CTSC: variants seen among roughly 807,000 people sequenced by gnomAD.
CTSC encodes the protein cathepsin C, also known as dipeptidyl peptidase 1.
CTSC carries 37 observed loss-of-function variants against 40.9 expected under a neutral mutation model. That is an observed-to-expected ratio of 0.91 (90% CI 0.70 to 1.19). CTSC has a LOEUF of 1.19. CTSC is among the 50% of genes most tolerant of loss of function. The pLI, the probability that CTSC is intolerant of heterozygous loss-of-function variation, is 0.00. For synonymous variants in CTSC, 232 were observed against 207.4 expected (o/e 1.12, Z -1.02); for missense variants, 594 against 567.3 (o/e 1.05, Z -0.48).
intron 2 of CTSC, chr11:88,320,888 G>T: frequency 1.2e-6 from 1 of 864,180 alleles, no homozygotes; most frequent in South Asian, 5.3e-5. Flanking sequence ...AATACATAGG[G>T]AATCAAATGG....
intron 4 of CTSC, among the ~76,000 whole-genome samples, chr11:88,307,533 G>C (rs1007857314): frequency 1.2e-4 from 18 of 144,164 alleles, no homozygotes; most frequent in South Asian, 9.4e-4. Flanking sequence ...CTCTGGTTGA[G>C]AGTAATAGAG....
chr11:88,294,789 G>A (rs1401722197), intron 6 of CTSC, among the ~76,000 whole-genome samples: 2 of 152,194 alleles, frequency 1.3e-5, no homozygotes, highest in African/African-American at 4.8e-5. Context: ...AGCCAAAGCC[G>A]TGTGAAGAGT....
Position 88,295,696 on chromosome 11 carries a change from T to A in CTSC, c.889+437A>T, listed in dbSNP as rs116130068. Among the ~76,000 whole-genome samples, 617 of 152,204 alleles carry A rather than the reference T, an allele frequency of 4.1e-3. 1 individual carries two copies. Among genetic ancestry groups the A allele is most frequent in the African/African-American group, 0.014 (597 of 41,520 alleles). On this transcript the variant is annotated intron_variant, in intron 6 of 6. Coordinates refer to ENST00000227266, the MANE Select transcript of CTSC (RefSeq NM_001814.6). Reference sequence around the variant, plus strand: ...GTGCCCAGCCCTAAGTACAGAATTTTAAAATTCTCCCAGAGAGAAACCAGT... The same window carrying A: ...GTGCCCAGCCCTAAGTACAGAATTTAAAAATTCTCCCAGAGAGAAACCAGT...
intron 6 of CTSC, 140 bp downstream of exon 6, chr11:88,295,993 A>C: frequency 1.1e-6 from 1 of 871,148 alleles, no homozygotes; most frequent in Middle Eastern, 3.0e-4. Flanking sequence ...TTAATAAGTG[A>C]TAGGGCCAGA....
chr11:88,300,437 C>G (rs1172381684), intron 5 of CTSC, 93 bp downstream of exon 5: 2 of 775,796 alleles, frequency 2.6e-6, no homozygotes, highest in Non-Finnish European at 2.3e-6. Flanking sequence ...CATGCCCATT[C>G]CATCTAGGTA....
chr11:88,333,114 T>G (rs1425890202), intron 2 of CTSC, among the ~76,000 whole-genome samples: 1 of 152,240 alleles, frequency 6.6e-6, no homozygotes, highest in Non-Finnish European at 1.5e-5. Context: ...CTATTTAAGC[T>G]AAGAACTAAC....
At chr11:88,312,979 C>T (rs1937796625) in intron 2 of CTSC, among the ~76,000 whole-genome samples, 1 of 152,174 alleles carries the variant, frequency 6.6e-6, no homozygotes, top group Non-Finnish European at 1.5e-5. Context: ...AGGCAACAGG[C>T]GAAGTGGCAG....
chr11:88,295,384 T>A (rs1270705917), intron 6 of CTSC, among the ~76,000 whole-genome samples: 1 of 146,966 alleles, frequency 6.8e-6, no homozygotes. Flanking sequence ...TAAGTACAGA[T>A]TTTTTTTTTT....
intron 1 of CTSC, among the ~76,000 whole-genome samples, chr11:88,336,539 C>CAA (rs35388709): frequency 9.2e-5 from 8 of 87,396 alleles, no homozygotes; most frequent in African/African-American, 2.1e-4. Context: ...ACTCCATTCT[C>CAA]AAAAAAAAAA....
chr11:88,337,428 G>A (rs1362965755), intron 1 of CTSC, 73 bp downstream of exon 1: 1 of 1,452,484 alleles, frequency 6.9e-7, no homozygotes, highest in East Asian at 2.5e-5. Context: ...GGAAGCGGTA[G>A]TTGGCGTGGC....
Position 88,335,234 on chromosome 11 carries a change from T to A in CTSC, c.173-152A>T, listed in dbSNP as rs568789705. ...CCTAGTGAAGAAACCAGAGGCTCCA[T>A]CTTGTTGCCTCAAACAGTTCCTGCT... On this transcript the variant is annotated intron_variant, in intron 1 of 6. Coordinates refer to ENST00000227266, the MANE Select transcript of CTSC (RefSeq NM_001814.6). The A allele has an allele frequency of 2.3e-5, 15 of 653,096 alleles. No homozygotes were observed. The Admixed American group carries it at 3.7e-4, about 16-fold the overall frequency. 40.5% of individuals were successfully genotyped at this position (653,096 alleles called of 1,614,324 possible).
chr11:88,304,670 T>A (rs1937614712), intron 4 of CTSC, among the ~76,000 whole-genome samples: 1 of 152,172 alleles, frequency 6.6e-6, no homozygotes, highest in South Asian at 2.1e-4. Context: ...ATTCAGGTCA[T>A]AAAGACCTTG....
In CTSC at chr11:88,296,162, T is replaced by A. The variant is rs1033729830; in HGVS notation, c.860A>T (p.Glu287Val). 5 of 1,613,850 alleles carry A rather than the reference T, an allele frequency of 3.1e-6. No homozygotes were observed. In the Admixed American group the frequency reaches 5.0e-5, roughly 16 times the overall value. Residue 287 changes from glutamate (E) to valine (V), a missense_variant, in exon 6 of 7, where the codon GAG (glutamate) becomes GTG (valine). Glu to Val is a moderately radical substitution (Grantham distance 121). Transcript: ENST00000227266. ...NSQTPILSPQ[E>V]VVSCSQYAQG... ...AGCATACTGGCTACAAGACACAACC[T>A]CCTGAGGGCTTAGGATTGGGGTCTG...
intron 4 of CTSC, among the ~76,000 whole-genome samples, chr11:88,306,727 C>T (rs903868597): frequency 7.2e-5 from 11 of 152,234 alleles, no homozygotes; most frequent in African/African-American, 2.4e-4. Context: ...CACGTGTGAT[C>T]CAATTCTTCT....
intron 2 of CTSC, chr11:88,320,730 A>C: frequency 1.3e-6 from 1 of 749,230 alleles, no homozygotes; most frequent in Non-Finnish European, 1.6e-6. Flanking sequence ...TCCAACATAT[A>C]TGGCCTGAGG....
At chr11:88,300,907 T>C (rs1182909647) in intron 4 of CTSC, among the ~76,000 whole-genome samples, 10 of 152,098 alleles carry the variant, frequency 6.6e-5, no homozygotes, top group Non-Finnish European at 2.9e-5. Context: ...TATATCACTG[T>C]GATGTTATTT....
At chr11:88,325,000 T>C in intron 2 of CTSC, 1 of 985,260 alleles carries the variant, frequency 1.0e-6, no homozygotes, top group South Asian at 4.7e-5. Context: ...GAAAAATTCT[T>C]CTATTCAAGC....
chr11:88,309,816 A>G lies in CTSC; in HGVS notation c.486-498T>C, dbSNP rs769002720. Among the ~76,000 whole-genome samples the G allele has an allele frequency of 4.5e-3, 145 of 32,520 alleles. 1 individual carries two copies. The highest frequency in any genetic ancestry group is 0.027 in the African/African-American group (74 of 2,782). The allele number at this position is 32,520 out of a possible 152,430, so 21.3% of individuals were successfully genotyped here. On this transcript the variant is annotated intron_variant, in intron 3 of 6. Transcript: ENST00000227266. ...TACATACATATATATGTATGCGCGC[A>G]CACACACACACACACACACACACAC...
chr11:88,307,683 G>A (rs1452107036), intron 4 of CTSC, among the ~76,000 whole-genome samples: 2 of 150,270 alleles, frequency 1.3e-5, no homozygotes, highest in Non-Finnish European at 3.0e-5. Context: ...AAAGGGAACA[G>A]CACAAATGAA....
Sources: gnomAD v4.1 joint callset for allele counts (sites outside exome capture counted in the v4.1 genomes callset) on GRCh38, gnomAD v4.1.1 for gene constraint, MANE v1.5 for transcripts, NCBI Gene and HGNC (gene_info 2026-07-23, HGNC 2026-07-21) for gene names.